CTNNA2: variants seen among roughly 807,000 people sequenced by gnomAD.
CTNNA2 encodes catenin alpha 2, also known as catenin alpha-2.
CTNNA2 carries 42 observed loss-of-function variants against 101.0 expected under a neutral mutation model. The ratio of observed to expected loss-of-function variants is 0.42; its 90% CI spans 0.32 to 0.54. The LOEUF (loss-of-function observed/expected upper bound fraction) is 0.54. Ranked by LOEUF, CTNNA2 falls within the 20% of genes least tolerant of loss-of-function variation. The pLI is 0.14. For missense variants in CTNNA2, 871 were observed against 1,223.1 expected, an observed-to-expected ratio of 0.71 and a Z score of 4.29; for synonymous variants, 450 against 456.4, an observed-to-expected ratio of 0.99 and a Z score of 0.18.
At position 80,163,485 on chromosome 2, in the gene CTNNA2, A is replaced by AT. The variant is rs943929225; in HGVS notation, c.1057-229718dup. Among the ~76,000 whole-genome samples, 4 of 151,918 alleles carry AT rather than the reference A, an allele frequency of 2.6e-5. No homozygotes were observed. The South Asian group carries it at 6.2e-4, about 24-fold the overall frequency. ...AGAGAACACATTTTGTATGATTTCA[A>AT]TTTTTTTTAATTTGTTGATGCTGGT... is the stretch of plus-strand genomic sequence containing the variant. On this transcript the variant is annotated intron_variant, in intron 7 of 18. Coordinates refer to ENST00000402739, the MANE Select transcript of CTNNA2 (RefSeq NM_001282597.3).
chr2:80,266,613 C>A (rs1333043585), intron 7 of CTNNA2, among the ~76,000 whole-genome samples: 1 of 152,198 alleles, frequency 6.6e-6, no homozygotes, highest in Non-Finnish European at 1.5e-5. Flanking sequence ...GCAAGCTCCT[C>A]CTTGTTTAAC....
intron 2 of CTNNA2, among the ~76,000 whole-genome samples, chr2:79,277,194 A>C (rs536935314): frequency 3.3e-5 from 5 of 152,286 alleles, no homozygotes; most frequent in African/African-American, 1.2e-4. Context: ...GCAACAGCAG[A>C]AGCCCAGAGA....
At chr2:79,187,621 A>G (rs185084664) in intron 1 of CTNNA2, among the ~76,000 whole-genome samples, 13 of 152,304 alleles carry the variant, frequency 8.5e-5, no homozygotes, top group African/African-American at 2.9e-4. Context: ...TTAACTTGTT[A>G]TGCATCTTTA....
chr2:80,281,010 T>C (rs1244931272), intron 7 of CTNNA2, among the ~76,000 whole-genome samples: 1 of 152,164 alleles, frequency 6.6e-6, no homozygotes, highest in Non-Finnish European at 1.5e-5. Context: ...CCTCGGTTTA[T>C]TTTTGAAATG....
chr2:80,250,347 G>C (rs1671670733), intron 7 of CTNNA2, among the ~76,000 whole-genome samples: 1 of 151,964 alleles, frequency 6.6e-6, no homozygotes, highest in African/African-American at 2.4e-5. Context: ...ATTCCTTTAG[G>C]AGTTATTAGC....
At chr2:80,135,955 A>G (rs779062626) in intron 7 of CTNNA2, among the ~76,000 whole-genome samples, 1 of 152,124 alleles carries the variant, frequency 6.6e-6, no homozygotes, top group East Asian at 1.9e-4. Flanking sequence ...GGTAAAAGGC[A>G]GTGTGGTATA....
intron 7 of CTNNA2, among the ~76,000 whole-genome samples, chr2:80,347,464 C>A (rs1037389310): frequency 6.6e-6 from 1 of 152,116 alleles, no homozygotes; most frequent in African/African-American, 2.4e-5. Flanking sequence ...AATGTCATCA[C>A]CAGGGGAGAG....
At chr2:80,556,763 A>G (rs946194547) in intron 12 of CTNNA2, among the ~76,000 whole-genome samples, 1 of 152,206 alleles carries the variant, frequency 6.6e-6, no homozygotes, top group Admixed American at 6.5e-5. Flanking sequence ...AGGGAATAGA[A>G]AAAGAGAATG....
intron 7 of CTNNA2, among the ~76,000 whole-genome samples, chr2:80,276,579 T>C (rs968266326): frequency 1.3e-5 from 2 of 151,896 alleles, no homozygotes; most frequent in African/African-American, 4.8e-5. Context: ...CAATGTACTT[T>C]CACTAATAGC....
At chr2:79,749,690 C>T (rs941266692) in intron 3 of CTNNA2, among the ~76,000 whole-genome samples, 5 of 152,162 alleles carry the variant, frequency 3.3e-5, no homozygotes, top group African/African-American at 7.2e-5. Flanking sequence ...AACTTCTAAT[C>T]TAACTTTTAC....
chr2:80,621,608 G>A (rs1671127566), intron 18 of CTNNA2, among the ~76,000 whole-genome samples: 1 of 151,946 alleles, frequency 6.6e-6, no homozygotes. Context: ...TATTGGGGAT[G>A]TAAAAAACAT....
rs558984196 is a variant in CTNNA2 at position 80,264,599 on chromosome 2, C to T, written c.1057-128612C>T. 3.9e-5 allele frequency among the ~76,000 whole-genome samples: 6 copies of T among 152,226 alleles called. 1 individual carries two copies. The South Asian group carries it at 1.2e-3, about 32-fold the overall frequency. ...TCATTGCTGGTTGATGCCTAGAATC[C>T]CAGGCTTAGCTTAGCCTAAAATCCC... On this transcript the variant is annotated intron_variant, in intron 7 of 18. Transcript: ENST00000402739.
chr2:80,158,957 G>A (rs761669501), intron 7 of CTNNA2, among the ~76,000 whole-genome samples: 37 of 151,874 alleles, frequency 2.4e-4, no homozygotes, highest in Non-Finnish European at 2.9e-4. Context: ...CATACAGTCC[G>A]TGACATTTGG....
At chr2:79,614,376 G>A (rs1678483673) in intron 1 of CTNNA2, among the ~76,000 whole-genome samples, 1 of 152,088 alleles carries the variant, frequency 6.6e-6, no homozygotes, top group South Asian at 2.1e-4. Context: ...ATTATCAAAA[G>A]TCCTGATATA....
chr2:80,389,389 A>G (rs758311623), intron 7 of CTNNA2, among the ~76,000 whole-genome samples: 10 of 152,088 alleles, frequency 6.6e-5, no homozygotes, highest in Non-Finnish European at 1.5e-4. Flanking sequence ...GGGAGCTGAT[A>G]CTAGGAGGCA....
intron 9 of CTNNA2, among the ~76,000 whole-genome samples, chr2:80,485,925 C>G (rs1030604677): frequency 6.6e-6 from 1 of 152,050 alleles, no homozygotes; most frequent in Non-Finnish European, 1.5e-5. Context: ...GCAAGTTAAG[C>G]TTTAGGAGTC....
At position 79,886,750 on chromosome 2, in the gene CTNNA2, C is replaced by CAA. The variant is rs1168632966; in HGVS notation, c.852+12433_852+12434dup. On this transcript the variant is annotated intron_variant, in intron 6 of 18. Transcript: ENST00000402739. ...TGGGTGACAGAGCAAGACTCCATCT[C>CAA]AAAAAAAAAAAAAAAAAAAAAAAAA... 4.8e-3 allele frequency among the ~76,000 whole-genome samples: 111 copies of CAA among 23,240 alleles called. 26 individuals are homozygous for CAA. Among genetic ancestry groups the CAA allele is most frequent in the African/African-American group, 7.1e-3 (37 of 5,242 alleles). The allele number at this position is 23,240 out of a possible 152,430, so 15.2% of individuals were successfully genotyped here. A position where few individuals can be genotyped will look rare whatever the true frequency, so the allele number is the denominator to read the frequency against.
chr2:80,409,097 G>A (rs1056127144), intron 8 of CTNNA2, among the ~76,000 whole-genome samples: 2 of 152,126 alleles, frequency 1.3e-5, no homozygotes, highest in Admixed American at 1.3e-4. Flanking sequence ...ACGCAGAAAA[G>A]TTGACCTGCT....
rs115844884 is a variant in CTNNA2, at chr2:79,247,655, A to G, written c.-406+49579A>G. ...AATGTCAGTTATTATCAATAGCAAC[A>G]TTTTTATGGCAAAGACATTGCAGAT... On this transcript the variant is annotated intron_variant, in intron 2 of 21. Coordinates refer to the CTNNA2 transcript ENST00000466387. Among the ~76,000 whole-genome samples the G allele has an allele frequency of 5.2e-3, 792 of 152,336 alleles. 6 individuals are homozygous for G. Among genetic ancestry groups the G allele is most frequent in the African/African-American group, 0.018 (757 of 41,576 alleles).
Sources: allele counts gnomAD v4.1 joint callset (sites outside exome capture counted in the v4.1 genomes callset), GRCh38; gene constraint gnomAD v4.1.1; transcripts MANE v1.5; gene names NCBI Gene and HGNC (gene_info 2026-07-23, HGNC 2026-07-21).